The following RBM14 variants were observed in gnomAD, a reference collection of about 807,000 sequenced individuals.
RBM14 encodes RNA-binding protein 14.
In RBM14, 5 loss-of-function variants were observed where a neutral mutation model predicts 52.8. That is an observed-to-expected ratio of 0.09 (90% CI 0.05 to 0.20). The LOEUF is 0.20. Among genes scored for constraint, RBM14 ranks in the 10% least tolerant of loss-of-function variants. RBM14 has a pLI of 1.00. For synonymous variants in RBM14, 411 were observed against 401.8 expected (o/e 1.02, Z -0.28); for missense variants, 780 against 926.6 (o/e 0.84, Z 2.05).
chr11:66,627,015 A>G lies in RBM14; in HGVS notation c.*347A>G, dbSNP rs1161832997. On this transcript the variant is annotated 3_prime_UTR_variant, in exon 3 of 3. Transcript: ENST00000310137. ...TTAAGGTCGTCTGGATGGGGAAGCA[A>G]CCTGCAGCTGAGGTCGCCGGCGCCT... is the stretch of plus-strand genomic sequence containing the variant. 5.1e-6 allele frequency: 1 copy of G among 197,330 alleles called. No homozygotes were observed. Among genetic ancestry groups the G allele is most frequent in the Non-Finnish European group, 1.0e-5 (1 of 97,660 alleles). 12.2% of individuals were successfully genotyped at this position (197,330 alleles called of 1,614,324 possible).
Position 66,625,949 on chromosome 11 carries a change from T to C in RBM14, c.1802+271T>C, listed in dbSNP as rs1221954208. Reference sequence around the variant, plus strand: ...AGGCTAGCCCAAGTGTCATTGGAGCTACTGCCTGCAGGACTGTGGCCCATA... The same window carrying C: ...AGGCTAGCCCAAGTGTCATTGGAGCCACTGCCTGCAGGACTGTGGCCCATA... On this transcript the variant is annotated intron_variant, in intron 2 of 2. Coordinates refer to ENST00000310137, the MANE Select transcript of RBM14 (RefSeq NM_006328.4). This position sits in a 1 kb window ranked among gnomAD's most constrained non-coding sequence, Gnocchi z 4.2. 6.6e-6 allele frequency among the ~76,000 whole-genome samples: 1 copy of C among 152,222 alleles called. No homozygotes were observed. Among genetic ancestry groups the C allele is most frequent in the Non-Finnish European group, 1.5e-5 (1 of 68,022 alleles).
intron 1 of RBM14, among the ~76,000 whole-genome samples, chr11:66,618,101 G>GT (rs1858925875): frequency 6.6e-6 from 1 of 152,174 alleles, no homozygotes; most frequent in African/African-American, 2.4e-5. Context: ...CATAGCTTGA[G>GT]TTTTTATCCC....
rs1937733615 is a variant in RBM14 at position 66,625,229 on chromosome 11, A to G, written c.1353A>G (p.Ala451=). The G allele has an allele frequency of 6.2e-7, 1 of 1,611,038 alleles. No homozygotes were observed. Among genetic ancestry groups the G allele is most frequent in the South Asian group, 1.1e-5 (1 of 91,050 alleles). ...CCAGCCAGCCAGCAGCCTACGCCGCACAAGCCACTACCCCAATGGCTGGCT... is the reference window on the plus strand; with the variant it reads ...CCAGCCAGCCAGCAGCCTACGCCGCGCAAGCCACTACCCCAATGGCTGGCT... The part of the protein sequence containing the change: ...AYASQPAAYA[A]QATTPMAGSY... The change falls in exon 2 of 3, where the codon GCA becomes GCG. Residue 451 remains alanine, a synonymous_variant. Transcript: ENST00000310137. This position sits in a 1 kb window ranked among gnomAD's most constrained non-coding sequence, Gnocchi z 4.2.
chr11:66,616,896 A>C lies in RBM14; in HGVS notation c.176A>C (p.Glu59Ala), dbSNP rs1193502893. 6.2e-7 allele frequency: 1 copy of C among 1,611,588 alleles called. No homozygotes were observed. The highest frequency in any genetic ancestry group is 2.2e-5 in the East Asian group (1 of 44,770). The change falls in exon 1 of 3, where the codon GAG becomes GCG. Residue 59 changes from glutamate (E) to alanine (A), a missense_variant. Physicochemically the swap from Glu to Ala is moderately radical, Grantham distance 107. Coordinates refer to ENST00000310137, the MANE Select transcript of RBM14 (RefSeq NM_006328.4). ...LRAIEALHGH[E>A]LRPGRALVVE... is the part of the protein sequence containing the mutation. ...GCCATCGAAGCCCTGCACGGCCACG[A>C]GCTGCGGCCGGGGCGCGCGCTCGTG...
chr11:66,624,097 T>C lies in RBM14; in HGVS notation c.338-117T>C. On this transcript the variant is annotated intron_variant, in intron 1 of 2. Transcript: ENST00000310137. This position sits in a 1 kb window ranked among gnomAD's most constrained non-coding sequence, Gnocchi z 4.7. ...TGACATACTCCTGGAGAGGAGGGTT[T>C]GGAGGCCTTGGAGGTAGCTGGCAAC... 6.6e-7 allele frequency: 1 copy of C among 1,514,674 alleles called. No homozygotes were observed. The highest frequency in any genetic ancestry group is 8.9e-7 in the Non-Finnish European group (1 of 1,118,988). 93.8% of individuals were successfully genotyped at this position (1,514,674 alleles called of 1,614,324 possible).
chr11:66,619,844 G>T (rs1859021965), intron 1 of RBM14, among the ~76,000 whole-genome samples: 6 of 152,246 alleles, frequency 3.9e-5, no homozygotes, highest in Admixed American at 3.9e-4. Flanking sequence ...GGGATTACAG[G>T]CGCAAGCCAC....
rs183598053 is a variant in RBM14 at position 66,629,221 on chromosome 11, T to C, written c.*2553T>C. Among the ~76,000 whole-genome samples the C allele has an allele frequency of 1.3e-3, 200 of 152,182 alleles. No individual in the cohort carries two copies. The highest frequency in any genetic ancestry group is 2.8e-3 in the Admixed American group (43 of 15,284). ...AGTGAATGGGAGGACAGACACTGAA[T>C]GTGTGTTTTGGAAAAATGGACTCTC... On this transcript the variant is annotated 3_prime_UTR_variant, in exon 3 of 3. Coordinates refer to ENST00000310137, the MANE Select transcript of RBM14 (RefSeq NM_006328.4).
At chr11:66,621,354 G>A (rs1406262437) in intron 1 of RBM14, among the ~76,000 whole-genome samples, 3 of 152,052 alleles carry the variant, frequency 2.0e-5, no homozygotes, top group Admixed American at 6.6e-5. Context: ...GGAGTGTTGA[G>A]GACAGAGTTG....
chr11:66,618,478 C>T (rs1858950022), intron 1 of RBM14: 4 of 717,324 alleles, frequency 5.6e-6, no homozygotes, highest in Non-Finnish European at 1.0e-5. Context: ...ATACTGCATT[C>T]TATTTTCCTC....
chr11:66,624,538 C>T lies in RBM14; in HGVS notation c.662C>T (p.Pro221Leu), dbSNP rs746419820. Residue 221 changes from proline to leucine, a missense_variant, in exon 2 of 3, where the codon CCT becomes CTT. Pro to Leu is a moderately conservative substitution (Grantham distance 98). This residue lies in a region of RBM14 where 675 missense variants were observed against 697.3 expected (regional missense o/e 0.97). Coordinates refer to ENST00000310137, the MANE Select transcript of RBM14 (RefSeq NM_006328.4). The surrounding 1 kb of genome is among the most constrained non-coding windows in gnomAD (Gnocchi z 4.7). ...GACCGCAGCCCTCTGCGCCGTTCAC[C>T]TCCCCGAGCCTCTTATGTGGCTCCT... The part of the protein sequence containing the change: ...GRDRSPLRRS[P>L]PRASYVAPLT... 6.2e-7 allele frequency: 1 copy of T among 1,613,244 alleles called. No homozygotes were observed. Among genetic ancestry groups the T allele is most frequent in the Non-Finnish European group, 8.5e-7 (1 of 1,179,998 alleles).
chr11:66,625,688 G>A lies in RBM14; in HGVS notation c.1802+10G>A, dbSNP rs755285276. 2 of 1,565,162 alleles carry A rather than the reference G, an allele frequency of 1.3e-6. No individual in the cohort carries two copies. Among genetic ancestry groups the A allele is most frequent in the Non-Finnish European group, 1.7e-6 (2 of 1,153,314 alleles). On this transcript the variant is annotated intron_variant, in intron 2 of 2. Transcript: ENST00000310137. The surrounding 1 kb of genome is among the most constrained non-coding windows in gnomAD (Gnocchi z 4.2). ...TCGCCATGTCGAAAAGGTACTGTAT[G>A]CCCCCCCGCCTCTGCCCCCAGCTGG...
At chr11:66,619,080 A>G (rs1858977068) in intron 1 of RBM14, 1 of 154,102 alleles carries the variant, frequency 6.5e-6, no homozygotes, top group Non-Finnish European at 1.4e-5. Flanking sequence ...AGATTTGAAC[A>G]TCATATCCTC....
chr11:66,618,360 T>G, intron 1 of RBM14: 1 of 624,620 alleles, frequency 1.6e-6, no homozygotes, highest in South Asian at 1.9e-5. Flanking sequence ...ATATTTCATT[T>G]GCTGTCCTGG....
intron 1 of RBM14, among the ~76,000 whole-genome samples, chr11:66,621,463 C>T (rs941959804): frequency 6.6e-6 from 1 of 151,986 alleles, no homozygotes; most frequent in African/African-American, 2.4e-5. Flanking sequence ...CTGCAACCTC[C>T]GCCTCCCGGG....
chr11:66,618,632 A>G, intron 1 of RBM14: 3 of 712,914 alleles, frequency 4.2e-6, no homozygotes, highest in South Asian at 1.5e-5. Flanking sequence ...GTACTTGTCC[A>G]GCAAAAGGGT....
At chr11:66,623,803 G>T (rs1485258454) in intron 1 of RBM14, 11 of 696,816 alleles carry the variant, frequency 1.6e-5, no homozygotes, top group Non-Finnish European at 3.0e-5. Flanking sequence ...AGTGAGCTAG[G>T]CCTCAAAGGT....
Position 66,625,703 on chromosome 11 carries a change from C to A in RBM14, c.1802+25C>A. ...GGTACTGTATGCCCCCCCGCCTCTGCCCCCAGCTGGGGCTTAGGGCAAGGG... is the reference window on the plus strand; with the variant it reads ...GGTACTGTATGCCCCCCCGCCTCTGACCCCAGCTGGGGCTTAGGGCAAGGG... On this transcript the variant is annotated intron_variant, in intron 2 of 2. Transcript: ENST00000310137. This position sits in a 1 kb window ranked among gnomAD's most constrained non-coding sequence, Gnocchi z 4.2. 6.5e-7 allele frequency: 1 copy of A among 1,534,370 alleles called. No homozygotes were observed. The highest frequency in any genetic ancestry group is 8.8e-7 in the Non-Finnish European group (1 of 1,130,552).
chr11:66,621,640 A>G (rs896862269), intron 1 of RBM14, among the ~76,000 whole-genome samples: 1 of 151,710 alleles, frequency 6.6e-6, no homozygotes, highest in African/African-American at 2.4e-5. Flanking sequence ...GCCTCCCCAA[A>G]GTGCTGGGAT....
In RBM14 at chr11:66,629,246, C is replaced by T. The variant is rs188249723; in HGVS notation, c.*2578C>T. On this transcript the variant is annotated 3_prime_UTR_variant, in exon 3 of 3. Transcript: ENST00000310137. ...TGTGTGTTTTGGAAAAATGGACTCTCTATCTTCAGATTATTCAGCTTCTCC... is the reference window on the plus strand; with the variant it reads ...TGTGTGTTTTGGAAAAATGGACTCTTTATCTTCAGATTATTCAGCTTCTCC... Among the ~76,000 whole-genome samples, 562 of 151,708 alleles carry T rather than the reference C, an allele frequency of 3.7e-3. 4 individuals are homozygous for T. Among genetic ancestry groups the T allele is most frequent in the African/African-American group, 0.013 (522 of 41,516 alleles).
Sources: allele counts gnomAD v4.1 joint callset (sites outside exome capture counted in the v4.1 genomes callset), GRCh38; gene constraint gnomAD v4.1.1; regional missense constraint gnomAD v4.1.1; non-coding constraint Gnocchi (gnomAD v3.1); transcripts MANE v1.5; gene names NCBI Gene and HGNC (gene_info 2026-07-23, HGNC 2026-07-21).